Variants in SUPT20HL1 observed in about 807,000 individuals in gnomAD.
SUPT20HL1 encodes transcription factor SPT20 homolog-like 1.
For synonymous variants in SUPT20HL1, 133 were observed against 79.2 expected, an observed-to-expected ratio of 1.68 and a Z score of -3.61; for missense variants, 277 against 200.3, an observed-to-expected ratio of 1.38 and a Z score of -2.31.
rs199953632 is a variant in SUPT20HL1, at chrX:24,365,044, C to G, written c.2284C>G (p.Pro762Ala). 1.9e-4 allele frequency: 69 copies of G among 361,960 alleles called. No individual in the cohort carries two copies. The highest frequency in any genetic ancestry group is 4.9e-4 in the East Asian group (6 of 12,151). 29.8% of individuals were successfully genotyped at this position (361,960 alleles called of 1,213,427 possible). ...ARSGLQPQPQ[P>A]AVLSLLGSAQ... ...AAGTGGTCTGCAGCCCCAGCCCCAG[C>G]CTGCTGTGTTGAGTCTGCTTGGCTC... The change falls in exon 1 of 1, where the codon CCT (proline) becomes GCT (alanine). Residue 762 changes from proline (P) to alanine (A), a missense_variant. Pro to Ala is a conservative substitution (Grantham distance 27). Coordinates refer to ENST00000686983, the MANE Select transcript of SUPT20HL1 (RefSeq NM_001136234.3).
In SUPT20HL1 at chrX:24,364,503, G is replaced by T; in HGVS notation, c.1743G>T (p.Arg581Ser). 1.8e-6 allele frequency: 1 copy of T among 558,769 alleles called. No homozygotes were observed. Among genetic ancestry groups the T allele is most frequent in the Non-Finnish European group, 3.3e-6 (1 of 302,901 alleles). The allele number at this position is 558,769 out of a possible 1,213,427, so 46.0% of individuals were successfully genotyped here. The change falls in exon 1 of 1, where the codon AGG becomes AGT. Residue 581 changes from arginine (R) to serine (S), a missense_variant. Arg to Ser is a moderately radical substitution (Grantham distance 110). Transcript: ENST00000686983. ...KPSVPLIQAS[R>S]PCPAAQPPTK... The stretch of plus-strand genomic sequence containing the variant: ...CTGTGCCTCTCATTCAAGCTAGCAG[G>T]CCCTGTCCAGCTGCCCAGCCCCCCA...
In SUPT20HL1 at chrX:24,361,870, G is replaced by A. The variant is rs5986555; in HGVS notation, c.-891G>A. Among the ~76,000 whole-genome samples the A allele has an allele frequency of 0.27, 29,797 of 111,214 alleles. 4,239 individuals carry two copies. The highest frequency in any genetic ancestry group is 0.55 in the African/African-American group (16,795 of 30,462). ...AACACCCCCAGGCGGGAGCTCACTCGACGACGACAGGAAGAATCCTGATGC... is the reference window on the plus strand; with the variant it reads ...AACACCCCCAGGCGGGAGCTCACTCAACGACGACAGGAAGAATCCTGATGC... On this transcript the variant is annotated 5_prime_UTR_variant, in exon 1 of 1. Coordinates refer to ENST00000686983, the MANE Select transcript of SUPT20HL1 (RefSeq NM_001136234.3).
rs1939422393 is a variant in SUPT20HL1 at position 24,360,824 on chromosome X, T to C, written c.-1937T>C. Among the ~76,000 whole-genome samples, 1 of 111,915 alleles carries C rather than the reference T, an allele frequency of 8.9e-6. No homozygotes were observed. Among genetic ancestry groups the C allele is most frequent in the Non-Finnish European group, 1.9e-5 (1 of 53,215 alleles). On this transcript the variant is annotated 5_prime_UTR_variant, in exon 1 of 1. Transcript: ENST00000686983. ...CTTCAGTCCTAAATGCAGCAAATGCTGCCGGTGCCCTGTCCATCTCCCCTT... is the reference window on the plus strand; with the variant it reads ...CTTCAGTCCTAAATGCAGCAAATGCCGCCGGTGCCCTGTCCATCTCCCCTT...
rs1425808996 is a variant in SUPT20HL1, at chrX:24,363,374, C to G, written c.614C>G (p.Ala205Gly). The stretch of plus-strand genomic sequence containing the variant: ...GAGAGCCAGCTGATCTTAGCGACAG[C>G]TGAACCACTGTGTCTTGATCCTTCT... ...QLESQLILAT[A>G]EPLCLDPSVA... Residue 205 changes from alanine to glycine, a missense_variant, in exon 1 of 1, where the codon GCT (alanine) becomes GGT (glycine). Ala to Gly is a moderately conservative substitution (Grantham distance 60). Transcript: ENST00000686983. The G allele has an allele frequency of 2.6e-6, 1 of 385,498 alleles. No homozygotes were observed. The highest frequency in any genetic ancestry group is 5.2e-6 in the Non-Finnish European group (1 of 192,412). The allele number at this position is 385,498 out of a possible 1,213,427, so 31.8% of individuals were successfully genotyped here.
rs2525862 is a variant in SUPT20HL1, at chrX:24,363,470, G to A, written c.710G>A (p.Arg237Gln). Reference protein sequence around the residue: ...KQKMNTDPMKRCLQRYSWPSV... With the variant: ...KQKMNTDPMKQCLQRYSWPSV... ...AAGATGAATACCGACCCGATGAAAC[G>A]GTGCCTCCAGAGGTATTCGTGGCCC... The change falls in exon 1 of 1, where the codon CGG becomes CAG. Residue 237 changes from arginine (R) to glutamine (Q), a missense_variant. By Grantham distance (43) the Arg-to-Gln change is conservative. Transcript: ENST00000686983. 5.2e-6 allele frequency: 2 copies of A among 385,542 alleles called. No individual in the cohort carries two copies. The highest frequency in any genetic ancestry group is 7.5e-5 in the East Asian group (1 of 13,313). The allele number at this position is 385,542 out of a possible 1,213,427, so 31.8% of individuals were successfully genotyped here.
rs1177566267 is a variant in SUPT20HL1 at position 24,361,867 on chromosome X, C to T, written c.-894C>T. Reference sequence around the variant, plus strand: ...ATGAACACCCCCAGGCGGGAGCTCACTCGACGACGACAGGAAGAATCCTGA... The same window carrying T: ...ATGAACACCCCCAGGCGGGAGCTCATTCGACGACGACAGGAAGAATCCTGA... On this transcript the variant is annotated 5_prime_UTR_variant, in exon 1 of 1. Transcript: ENST00000686983. 8.9e-6 allele frequency among the ~76,000 whole-genome samples: 1 copy of T among 112,076 alleles called. No homozygotes were observed. Among genetic ancestry groups the T allele is most frequent in the Non-Finnish European group, 1.9e-5 (1 of 53,284 alleles).
Position 24,364,256 on chromosome X carries a change from TTGCTGCTGCTGCTGCTGCTGCTGC to T in SUPT20HL1, c.1528_1551del (p.Ala510_Ala517del), listed in dbSNP as rs35206911. ...CGTCCATTTTCTGCTGCTGCTGCTA[TTGCTGCTGCTGCTGCTGCTGCTGC>T]TGCTGCTGCTGCTGCTGCTGCTGCT... is the stretch of plus-strand genomic sequence containing the variant. On this transcript the variant is annotated inframe_deletion, in exon 1 of 1. Transcript: ENST00000686983. The T allele has an allele frequency of 1.7e-4, 139 of 803,951 alleles. No homozygotes were observed. Among genetic ancestry groups the T allele is most frequent in the South Asian group, 3.7e-4 (16 of 42,715 alleles). 66.3% of individuals were successfully genotyped at this position (803,951 alleles called of 1,213,427 possible).
chrX:24,360,988 G>A lies in SUPT20HL1; in HGVS notation c.-1773G>A, dbSNP rs1226603722. ...AAGTGTCAGGGAATAATGCTCCCAG[G>A]ACTGTCCTCAGTCTATGAGAAAGAA... is the stretch of plus-strand genomic sequence containing the variant. On this transcript the variant is annotated 5_prime_UTR_variant, in exon 1 of 1. Transcript: ENST00000686983. 8.9e-6 allele frequency among the ~76,000 whole-genome samples: 1 copy of A among 112,185 alleles called. No homozygotes were observed. The highest frequency in any genetic ancestry group is 3.7e-4 in the South Asian group (1 of 2,707).
chrX:24,366,162 C>T lies in SUPT20HL1; in HGVS notation c.*738C>T, dbSNP rs1243705850. On this transcript the variant is annotated 3_prime_UTR_variant, in exon 1 of 1. Transcript: ENST00000686983. ...GATCTATCCCTGCTGTCTCATGTGA[C>T]ATAAAGGTCATTGCTTTTTAAAAAT... Among the ~76,000 whole-genome samples, 5 of 111,584 alleles carry T rather than the reference C, an allele frequency of 4.5e-5. No homozygotes were observed. Among genetic ancestry groups the T allele is most frequent in the Non-Finnish European group, 9.4e-5 (5 of 53,147 alleles).
chrX:24,364,300 G>GCTGCTGCTGCTCCTGCTGCTGCTC lies in SUPT20HL1; in HGVS notation c.1557_1558insGCTGCTCCTGCTGCTGCTCCTGCT (p.Ala519_Pro520insAlaAlaProAlaAlaAlaProAla), dbSNP rs776223470. 1 of 961,859 alleles carries GCTGCTGCTGCTCCTGCTGCTGCTC rather than the reference G, an allele frequency of 1.0e-6. No individual in the cohort carries two copies. The highest frequency in any genetic ancestry group is 3.4e-5 in the East Asian group (1 of 29,325). The allele number at this position is 961,859 out of a possible 1,213,427, so 79.3% of individuals were successfully genotyped here. A position where few individuals can be genotyped will look rare whatever the true frequency, so the allele number is the denominator to read the frequency against. On this transcript the variant is annotated inframe_insertion, in exon 1 of 1. Transcript: ENST00000686983. ...TGCTGCTGCTGCTGCTGCTGCTGCTGCTGCTGCTGCTCCTGCTCCTGCTCT... is the reference window on the plus strand; with the variant it reads ...TGCTGCTGCTGCTGCTGCTGCTGCTGCTGCTGCTGCTCCTGCTGCTGCTCCTGCTGCTGCTCCTGCTCCTGCTCT...
Position 24,363,654 on chromosome X carries a change from T to C in SUPT20HL1, c.894T>C (p.Cys298=), listed in dbSNP as rs769833851. The C allele has an allele frequency of 2.1e-5, 8 of 385,660 alleles. No homozygotes were observed. The East Asian group carries it at 6.0e-4, about 29-fold the overall frequency. 31.8% of individuals were successfully genotyped at this position (385,660 alleles called of 1,213,427 possible). ...SCVDTWKGRP[C]DLAVPSEVDV... is the part of the protein sequence containing the mutation. ...TAGACACGTGGAAAGGCAGACCCTGTGATTTGGCCGTGCCTTCAGAAGTGG... is the reference window on the plus strand; with the variant it reads ...TAGACACGTGGAAAGGCAGACCCTGCGATTTGGCCGTGCCTTCAGAAGTGG... Residue 298 remains cysteine, a synonymous_variant, in exon 1 of 1, where the codon TGT becomes TGC. Coordinates refer to ENST00000686983, the MANE Select transcript of SUPT20HL1 (RefSeq NM_001136234.3).
chrX:24,363,522 T>C lies in SUPT20HL1; in HGVS notation c.762T>C (p.Ser254=), dbSNP rs374743002. ...CTGTAAAGCCACAGCAGGAGCAGTC[T>C]GACTGTCCACCTCCTCCTGAGCTGA... ...WPSVKPQQEQ[S]DCPPPPELRV... Residue 254 remains serine, a synonymous_variant, in exon 1 of 1, where the codon TCT becomes TCC. Transcript: ENST00000686983. The C allele has an allele frequency of 3.0e-4, 115 of 386,070 alleles. No homozygotes were observed. In the East Asian group the frequency reaches 7.7e-3, roughly 26 times the overall value. 31.8% of individuals were successfully genotyped at this position (386,070 alleles called of 1,213,427 possible).
Position 24,364,888 on chromosome X carries a change from C to A in SUPT20HL1, c.2128C>A (p.Gln710Lys), listed in dbSNP as rs1247425601. ...GCAGTCCCATCAGCTGGTTTCCCTGCAGCAGCTCCAGCAGCCCACAGCTGC... is the reference window on the plus strand; with the variant it reads ...GCAGTCCCATCAGCTGGTTTCCCTGAAGCAGCTCCAGCAGCCCACAGCTGC... ...QQQSHQLVSLQQLQQPTAAHP... is the reference protein window; with the variant it reads ...QQQSHQLVSLKQLQQPTAAHP... Residue 710 changes from glutamine to lysine, a missense_variant, in exon 1 of 1, where the codon CAG becomes AAG. By Grantham distance (53) the Gln-to-Lys change is moderately conservative. Coordinates refer to ENST00000686983, the MANE Select transcript of SUPT20HL1 (RefSeq NM_001136234.3). The A allele has an allele frequency of 2.6e-6, 1 of 387,549 alleles. No homozygotes were observed. The allele number at this position is 387,549 out of a possible 1,213,427, so 31.9% of individuals were successfully genotyped here. A position where few individuals can be genotyped will look rare whatever the true frequency, so the allele number is the denominator to read the frequency against.
rs1187531677 is a variant in SUPT20HL1, at chrX:24,361,794, T to TA, written c.-964dup. Among the ~76,000 whole-genome samples, 8 of 111,835 alleles carry TA rather than the reference T, an allele frequency of 7.2e-5. No individual in the cohort carries two copies. The highest frequency in any genetic ancestry group is 1.5e-4 in the Non-Finnish European group (8 of 53,163). On this transcript the variant is annotated 5_prime_UTR_variant, in exon 1 of 1. Transcript: ENST00000686983. The stretch of plus-strand genomic sequence containing the variant: ...TGCCCTAACTCAACACATGGAGAAA[T>TA]AAAGGTGAGTAATTATGTAAATGAA...
rs1433182073 is a variant in SUPT20HL1, at chrX:24,362,086, C to G, written c.-675C>G. On this transcript the variant is annotated 5_prime_UTR_variant, in exon 1 of 1. Coordinates refer to ENST00000686983, the MANE Select transcript of SUPT20HL1 (RefSeq NM_001136234.3). ...CCATGATTTCCCGACAGCGGCATTC[C>G]TGTGGAAACTGATGTCTATGCACGG... Among the ~76,000 whole-genome samples the G allele has an allele frequency of 8.9e-6, 1 of 112,710 alleles. No homozygotes were observed. Among genetic ancestry groups the G allele is most frequent in the Non-Finnish European group, 1.9e-5 (1 of 53,335 alleles).
At position 24,362,662 on chromosome X, in the gene SUPT20HL1, C is replaced by G. The variant is rs918363375; in HGVS notation, c.-99C>G. The stretch of plus-strand genomic sequence containing the variant: ...TGAACTCAGTGTGGACTTGTGGCAT[C>G]TTGCGGGCCTGTAGATTAATATGAC... On this transcript the variant is annotated 5_prime_UTR_variant, in exon 1 of 1. It adds an upstream start codon to the 5' untranslated region. Transcript: ENST00000686983. The G allele has an allele frequency of 2.8e-5, 10 of 356,541 alleles. No homozygotes were observed. Among genetic ancestry groups the G allele is most frequent in the African/African-American group, 7.8e-5 (3 of 38,574 alleles). 29.4% of individuals were successfully genotyped at this position (356,541 alleles called of 1,213,427 possible).
At position 24,365,198 on chromosome X, in the gene SUPT20HL1, CGCA is replaced by C. The variant is rs755894037; in HGVS notation, c.2450_2452del (p.Gln817del). On this transcript the variant is annotated inframe_deletion, in exon 1 of 1. Transcript: ENST00000686983. The stretch of plus-strand genomic sequence containing the variant: ...AAGCCACGGCAGGAGCAGCCACAGT[CGCA>C]GCAGCAGCAGCCGCAGCATATCCAG... 2.8e-6 allele frequency: 1 copy of C among 352,151 alleles called. No individual in the cohort carries two copies. Among genetic ancestry groups the C allele is most frequent in the South Asian group, 2.5e-5 (1 of 39,389 alleles). The allele number at this position is 352,151 out of a possible 1,213,427, so 29.0% of individuals were successfully genotyped here.
In SUPT20HL1 at chrX:24,365,651, G is replaced by T. The variant is rs1335610206; in HGVS notation, c.*227G>T. On this transcript the variant is annotated 3_prime_UTR_variant, in exon 1 of 1. Transcript: ENST00000686983. ...TACTCTTTTTGTTGTCATTGCTGCT[G>T]TCGATATAATTATTTTTAATATAGT... Among the ~76,000 whole-genome samples, 20 of 111,816 alleles carry T rather than the reference G, an allele frequency of 1.8e-4. No individual in the cohort carries two copies. Among genetic ancestry groups the T allele is most frequent in the African/African-American group, 6.2e-4 (19 of 30,767 alleles).
Position 24,364,461 on chromosome X carries a change from T to A in SUPT20HL1, c.1701T>A (p.Ser567Arg), listed in dbSNP as rs374004998. The change falls in exon 1 of 1, where the codon AGT becomes AGA. Residue 567 changes from serine (S) to arginine (R), a missense_variant. Coordinates refer to ENST00000686983, the MANE Select transcript of SUPT20HL1 (RefSeq NM_001136234.3). ...APAAAASAAP[S>R]HSQKPSVPLI... Reference sequence around the variant, plus strand: ...CTGCTGCTGCTTCTGCGGCACCAAGTCATTCTCAGAAGCCCTCTGTGCCTC... The same window carrying A: ...CTGCTGCTGCTTCTGCGGCACCAAGACATTCTCAGAAGCCCTCTGTGCCTC... 1 of 554,256 alleles carries A rather than the reference T, an allele frequency of 1.8e-6. No homozygotes were observed. The highest frequency in any genetic ancestry group is 3.3e-6 in the Non-Finnish European group (1 of 305,146). The allele number at this position is 554,256 out of a possible 1,213,427, so 45.7% of individuals were successfully genotyped here. A position where few individuals can be genotyped will look rare whatever the true frequency, so the allele number is the denominator to read the frequency against.
Sources: allele counts gnomAD v4.1 joint callset (sites outside exome capture counted in the v4.1 genomes callset), GRCh38; gene constraint gnomAD v4.1.1; transcripts MANE v1.5; gene names NCBI Gene and HGNC (gene_info 2026-07-23, HGNC 2026-07-21).